The following CALCOCO2 variants were observed in gnomAD, a reference collection of about 807,000 sequenced individuals.
The protein encoded by CALCOCO2 is calcium-binding and coiled-coil domain-containing protein 2.
CALCOCO2 carries 42 observed loss-of-function variants against 62.5 expected under a neutral mutation model. That is an observed-to-expected ratio of 0.67 (90% CI 0.53 to 0.87). The LOEUF (loss-of-function observed/expected upper bound fraction) is 0.87. CALCOCO2 is among the 40% of genes least tolerant of loss of function. The probability of loss-of-function intolerance (pLI) is 0.00; values close to 1 mark genes in which losing one functional copy is unlikely to be tolerated. For synonymous variants in CALCOCO2, 167 were observed against 173.0 expected (o/e 0.97, Z 0.27); for missense variants, 456 against 515.0 (o/e 0.89, Z 1.11).
intron 10 of CALCOCO2, among the ~76,000 whole-genome samples, chr17:48,858,778 G>T (rs545718632): frequency 6.6e-6 from 1 of 152,036 alleles, no homozygotes; most frequent in East Asian, 1.9e-4. Flanking sequence ...CTGTAGGCCG[G>T]GTGCTGTGGC....
chr17:48,840,323 G>T (rs1278125082), intron 1 of CALCOCO2, among the ~76,000 whole-genome samples: 1 of 151,902 alleles, frequency 6.6e-6, no homozygotes, highest in Non-Finnish European at 1.5e-5. Flanking sequence ...TAGAGATGGG[G>T]TTTTGCCATG....
intron 10 of CALCOCO2, among the ~76,000 whole-genome samples, chr17:48,857,988 A>AGAATG (rs2040248003): frequency 2.2e-5 from 1 of 44,954 alleles, no homozygotes; most frequent in Non-Finnish European, 7.6e-5. Flanking sequence ...AGAATAGAAT[A>AGAATG]GAATAGAATA....
intron 2 of CALCOCO2, among the ~76,000 whole-genome samples, chr17:48,847,277 A>G (rs969308831): frequency 6.6e-6 from 1 of 152,146 alleles, no homozygotes; most frequent in Admixed American, 6.6e-5. Flanking sequence ...TTGGTATATG[A>G]CAAGGCTTAA....
intron 1 of CALCOCO2, chr17:48,831,456 G>C (rs1361808577): frequency 6.6e-6 from 1 of 152,282 alleles, no homozygotes; most frequent in African/African-American, 2.4e-5. Flanking sequence ...CCCTCGCCTG[G>C]ATGTCATCGC....
intron 6 of CALCOCO2, 174 bp from the exon 7 acceptor site, chr17:48,851,385 T>C: frequency 1.6e-6 from 1 of 623,358 alleles, no homozygotes; most frequent in Non-Finnish European, 2.9e-6. Flanking sequence ...CTTTAGGGAT[T>C]GAATACTTGC....
chr17:48,833,926 C>A (rs1257093467), intron 1 of CALCOCO2, among the ~76,000 whole-genome samples: 1 of 151,830 alleles, frequency 6.6e-6, no homozygotes, highest in Non-Finnish European at 1.5e-5. Context: ...TCCAGGAGTT[C>A]AAGACCAGCC....
intron 1 of CALCOCO2, among the ~76,000 whole-genome samples, chr17:48,837,070 A>G (rs2039904197): frequency 6.6e-6 from 1 of 152,108 alleles, no homozygotes; most frequent in Non-Finnish European, 1.5e-5. Flanking sequence ...TCAGAAGAAC[A>G]CTCAGAACAC....
chr17:48,853,000 A>G lies in CALCOCO2; in HGVS notation c.900A>G (p.Gln300=), dbSNP rs758698987. ...ATGAAACTACTGCAATGAAGAAACA[A>G]CAGGAATTAATGGCATGTCTGTCTT... ...KQNETTAMKK[Q]QELMDENFDL... The change falls in exon 9 of 13, where the codon CAA becomes CAG. Residue 300 remains glutamine, a synonymous_variant. Coordinates refer to ENST00000258947, the MANE Select transcript of CALCOCO2 (RefSeq NM_005831.5). 9 of 1,610,422 alleles carry G rather than the reference A, an allele frequency of 5.6e-6. No individual in the cohort carries two copies. The highest frequency in any genetic ancestry group is 3.3e-5 in the Admixed American group (2 of 60,002).
chr17:48,859,752 T>C (rs903327210), intron 10 of CALCOCO2, among the ~76,000 whole-genome samples: 1 of 152,194 alleles, frequency 6.6e-6, no homozygotes, highest in Non-Finnish European at 1.5e-5. Context: ...TATTTAGAGA[T>C]TTAAAACTTT....
In CALCOCO2 at chr17:48,850,936, A is replaced by T. The variant is rs112517474; in HGVS notation, c.544-153A>T. On this transcript the variant is annotated intron_variant, in intron 5 of 12. Transcript: ENST00000258947. ...CTGTCTTAAAAAAAAAAAAAAAAGAACATTTTCCTTTTATTTGAGTATTTC... is the reference window on the plus strand; with the variant it reads ...CTGTCTTAAAAAAAAAAAAAAAAGATCATTTTCCTTTTATTTGAGTATTTC... 2.6e-5 allele frequency: 14 copies of T among 534,764 alleles called. 1 individual carries two copies. Among genetic ancestry groups the T allele is most frequent in the African/African-American group, 1.2e-4 (6 of 52,050 alleles). The allele number at this position is 534,764 out of a possible 1,614,324, so 33.1% of individuals were successfully genotyped here. A position where few individuals can be genotyped will look rare whatever the true frequency, so the allele number is the denominator to read the frequency against.
At chr17:48,850,173 C>T (rs1043015552) in intron 5 of CALCOCO2, among the ~76,000 whole-genome samples, 46 of 152,272 alleles carry the variant, frequency 3.0e-4, no homozygotes, top group African/African-American at 1.1e-3. Context: ...GTGGTAGGCA[C>T]CTGTAATCCA....
intron 1 of CALCOCO2, among the ~76,000 whole-genome samples, chr17:48,838,845 G>A (rs1020072060): frequency 6.6e-6 from 1 of 152,028 alleles, no homozygotes; most frequent in Non-Finnish European, 1.5e-5. Flanking sequence ...TTCATCTTCT[G>A]TGTACAACTG....
At chr17:48,856,416 A>G in intron 10 of CALCOCO2, 1 of 511,500 alleles carries the variant, frequency 2.0e-6, no homozygotes, top group East Asian at 3.6e-5. Context: ...TCACCTTGAA[A>G]GAAGCCACAC....
chr17:48,843,638 A>G (rs1394716589), intron 2 of CALCOCO2, among the ~76,000 whole-genome samples: 1 of 152,216 alleles, frequency 6.6e-6, no homozygotes, highest in African/African-American at 2.4e-5. Flanking sequence ...AGCTGTTGAG[A>G]CTGCAAGGTG....
At chr17:48,848,946 C>T (rs1263950126) in intron 4 of CALCOCO2, 4 of 448,534 alleles carry the variant, frequency 8.9e-6, no homozygotes, top group African/African-American at 4.0e-5. Flanking sequence ...TCCTTGGCCT[C>T]AAGGAGCTAA....
intron 1 of CALCOCO2, among the ~76,000 whole-genome samples, chr17:48,835,304 T>C (rs1272916811): frequency 6.6e-6 from 1 of 152,218 alleles, no homozygotes; most frequent in African/African-American, 2.4e-5. Context: ...AGTTTACTCA[T>C]GGCCCTTTGT....
At position 48,864,092 on chromosome 17, in the gene CALCOCO2, GTC is replaced by G. The variant is rs1159913857; in HGVS notation, c.*1095_*1096del. ...TTTTTTTTTTTTTTTTTTTGAAACA[GTC>G]TCTCTCTGTCACCCAGGCTGGCGTG... On this transcript the variant is annotated 3_prime_UTR_variant, in exon 13 of 13. Coordinates refer to ENST00000258947, the MANE Select transcript of CALCOCO2 (RefSeq NM_005831.5). The G allele has an allele frequency of 8.7e-6, 1 of 114,972 alleles. No individual in the cohort carries two copies. Among genetic ancestry groups the G allele is most frequent in the Non-Finnish European group, 1.7e-5 (1 of 58,482 alleles). The allele number at this position is 114,972 out of a possible 1,614,324, so 7.1% of individuals were successfully genotyped here. A position where few individuals can be genotyped will look rare whatever the true frequency, so the allele number is the denominator to read the frequency against.
At chr17:48,849,906 C>A (rs2040103745) in intron 5 of CALCOCO2, among the ~76,000 whole-genome samples, 1 of 152,080 alleles carries the variant, frequency 6.6e-6, no homozygotes, top group African/African-American at 2.4e-5. Context: ...ACCTGTAATA[C>A]CAGCACTTTG....
chr17:48,862,947 T>C lies in CALCOCO2; in HGVS notation c.1283T>C (p.Ile428Thr), dbSNP rs765538201. Residue 428 changes from isoleucine (I) to threonine (T), a missense_variant, in exon 13 of 13, where the codon ATC (isoleucine) becomes ACC (threonine). Transcript: ENST00000258947. ...TTCAATTGTCCAATTTGTGACAAGA[T>C]CTTCCCAGCTACAGAGAAGCAGATC... Reference protein sequence around the residue: ...LCFNCPICDKIFPATEKQIFE... With the variant: ...LCFNCPICDKTFPATEKQIFE... 6.2e-7 allele frequency: 1 copy of C among 1,613,924 alleles called. No individual in the cohort carries two copies. Among genetic ancestry groups the C allele is most frequent in the Non-Finnish European group, 8.5e-7 (1 of 1,179,746 alleles).
Sources: allele counts gnomAD v4.1 joint callset (sites outside exome capture counted in the v4.1 genomes callset), GRCh38; gene constraint gnomAD v4.1.1; transcripts MANE v1.5; gene names NCBI Gene and HGNC (gene_info 2026-07-23, HGNC 2026-07-21).